Variants in NCALD observed in about 807,000 individuals in gnomAD.
NCALD encodes the protein neurocalcin-delta.
NCALD carries 10 observed loss-of-function variants against 18.6 expected under a neutral mutation model. The observed-to-expected ratio is 0.54, with a 90% CI of 0.33 to 0.91. The LOEUF (loss-of-function observed/expected upper bound fraction) is 0.91, where lower values mean the gene tolerates loss of function less well. Ranked by LOEUF, NCALD falls within the 40% of genes least tolerant of loss-of-function variation. NCALD has a pLI of 0.03. For synonymous variants in NCALD, 88 were observed against 87.4 expected (o/e 1.01, Z -0.04); for missense variants, 184 against 247.6 (o/e 0.74, Z 1.72).
At chr8:102,103,494 T>G (rs1208170537) in intron 1 of NCALD, among the ~76,000 whole-genome samples, 2 of 152,188 alleles carry the variant, frequency 1.3e-5, no homozygotes, top group African/African-American at 4.8e-5. Context: ...ACCACCAGGA[T>G]TCAAACCCAG....
chr8:101,906,764 G>A (rs1293910569), intron 3 of NCALD, among the ~76,000 whole-genome samples: 2 of 152,158 alleles, frequency 1.3e-5, no homozygotes, highest in Non-Finnish European at 1.5e-5. Flanking sequence ...TTTGAAGGCC[G>A]CTTTGGGACT....
chr8:101,897,740 A>G (rs1817256914), intron 3 of NCALD, among the ~76,000 whole-genome samples: 1 of 152,194 alleles, frequency 6.6e-6, no homozygotes, highest in South Asian at 2.1e-4. Flanking sequence ...AGAAACCACT[A>G]AACTATTTTC....
At chr8:101,796,079 A>T (rs936567311) in intron 4 of NCALD, among the ~76,000 whole-genome samples, 2 of 152,202 alleles carry the variant, frequency 1.3e-5, no homozygotes, top group African/African-American at 4.8e-5. Context: ...CTAAGTTTTC[A>T]TATCTCAAAA....
At chr8:101,869,573 G>T (rs900594842) in intron 4 of NCALD, among the ~76,000 whole-genome samples, 1 of 152,174 alleles carries the variant, frequency 6.6e-6, no homozygotes, top group Non-Finnish European at 1.5e-5. Flanking sequence ...CAGCTTGATT[G>T]CATGGGAGTC....
intron 4 of NCALD, among the ~76,000 whole-genome samples, chr8:101,797,018 G>C (rs1431829353): frequency 6.6e-6 from 1 of 152,160 alleles, no homozygotes; most frequent in South Asian, 2.1e-4. Flanking sequence ...TCCCTACTTT[G>C]AGTTATCCCC....
chr8:101,940,562 C>T lies in NCALD; in HGVS notation c.-156-24704G>A, dbSNP rs565829775. On this transcript the variant is annotated intron_variant, in intron 2 of 6. Transcript: ENST00000311028. ...ATCTGTCTAATCTTCAGTGTGATGG[C>T]TTTTTTTCTCCCACTGAGCCTATAC... Among the ~76,000 whole-genome samples, 17 of 152,248 alleles carry T rather than the reference C, an allele frequency of 1.1e-4. 1 individual carries two copies. The East Asian group carries it at 2.9e-3, about 26-fold the overall frequency.
chr8:101,918,605 A>C lies in NCALD; in HGVS notation c.-156-2747T>G, dbSNP rs1415934445. Among the ~76,000 whole-genome samples the C allele has an allele frequency of 2.6e-5, 4 of 152,186 alleles. No individual in the cohort carries two copies. The East Asian group carries it at 5.8e-4, about 22-fold the overall frequency. The stretch of plus-strand genomic sequence containing the variant: ...AGAAAACCCTAAAGACTCTGTCCAA[A>C]GGCTCCTGCAACTGATAAACTTCTT... On this transcript the variant is annotated intron_variant, in intron 2 of 6. Coordinates refer to the NCALD transcript ENST00000311028.
At chr8:101,763,105 C>A (rs939784896) in intron 1 of NCALD, among the ~76,000 whole-genome samples, 4 of 152,100 alleles carry the variant, frequency 2.6e-5, no homozygotes. Context: ...ACATATCAGG[C>A]ACTGTGCTAG....
At chr8:101,997,283 G>A (rs762247608) in intron 2 of NCALD, among the ~76,000 whole-genome samples, 13 of 152,156 alleles carry the variant, frequency 8.5e-5, no homozygotes, top group Non-Finnish European at 1.6e-4. Flanking sequence ...AAGCCAGGCC[G>A]GACATTGTTC....
At chr8:101,851,433 C>CAGCTCTCTTGCCTACCCT (rs974169544) in intron 4 of NCALD, among the ~76,000 whole-genome samples, 7 of 151,990 alleles carry the variant, frequency 4.6e-5, no homozygotes, top group Non-Finnish European at 5.9e-5. Flanking sequence ...TTGTCACCCA[C>CAGCTCTCTTGCCTACCCT]AGCTCTCTTG....
intron 4 of NCALD, among the ~76,000 whole-genome samples, chr8:101,820,431 T>C (rs2131186949): frequency 6.6e-6 from 1 of 152,246 alleles, no homozygotes; most frequent in East Asian, 1.9e-4. Context: ...AACGAGTAGA[T>C]GAATCGATTA....
intron 2 of NCALD, among the ~76,000 whole-genome samples, chr8:101,953,031 G>A (rs1177512391): frequency 1.3e-5 from 2 of 151,834 alleles, no homozygotes; most frequent in Non-Finnish European, 2.9e-5. Context: ...GCACATCCTA[G>A]ATCTCTGCTA....
At chr8:101,854,427 G>A (rs962131723) in intron 4 of NCALD, among the ~76,000 whole-genome samples, 11 of 152,080 alleles carry the variant, frequency 7.2e-5, no homozygotes, top group Admixed American at 6.5e-4. Context: ...AAGTGCATGG[G>A]TCAGAAAGCT....
intron 3 of NCALD, among the ~76,000 whole-genome samples, chr8:101,904,084 G>T (rs1817529338): frequency 6.6e-6 from 1 of 152,188 alleles, no homozygotes; most frequent in South Asian, 2.1e-4. Flanking sequence ...AGGACAGTAA[G>T]CCTGTTCAGT....
In NCALD at chr8:102,043,259, A is replaced by G. The variant is rs193119949; in HGVS notation, c.-209-22970T>C. ...TTCCATTTGAGGATGATAATTTGCT[A>G]AAGTTTAAGCTTTGGAAACTCTTCT... is the stretch of plus-strand genomic sequence containing the variant. On this transcript the variant is annotated intron_variant, in intron 1 of 6. Coordinates refer to the NCALD transcript ENST00000311028. 7.2e-5 allele frequency among the ~76,000 whole-genome samples: 11 copies of G among 152,148 alleles called. No individual in the cohort carries two copies. The East Asian group carries it at 2.1e-3, about 29-fold the overall frequency.
At chr8:101,727,301 G>A (rs901230489) in intron 1 of NCALD, among the ~76,000 whole-genome samples, 5 of 152,056 alleles carry the variant, frequency 3.3e-5, no homozygotes, top group Admixed American at 6.5e-5. Flanking sequence ...ACTTCTTGCC[G>A]TTTCCATTGT....
chr8:101,851,102 TC>T (rs1815075071), intron 4 of NCALD, among the ~76,000 whole-genome samples: 1 of 152,222 alleles, frequency 6.6e-6, no homozygotes, highest in Non-Finnish European at 1.5e-5. Flanking sequence ...ATAAAGCATT[TC>T]CTAAATTTAT....
rs185420241 is a variant in NCALD, at chr8:101,698,581, G to A, written c.379-5685C>T. The stretch of plus-strand genomic sequence containing the variant: ...AGAGCATGGTACTGGTACCAAAACA[G>A]ACATATAGACAAATGGAAGAGAACA... On this transcript the variant is annotated intron_variant, in intron 2 of 3. Coordinates refer to ENST00000220931, the MANE Select transcript of NCALD (RefSeq NM_032041.3). Among the ~76,000 whole-genome samples, 440 of 152,252 alleles carry A rather than the reference G, an allele frequency of 2.9e-3. 3 individuals are homozygous for A. Among genetic ancestry groups the A allele is most frequent in the African/African-American group, 0.01 (423 of 41,530 alleles).
intron 1 of NCALD, among the ~76,000 whole-genome samples, chr8:102,088,365 T>C (rs909272508): frequency 7.2e-5 from 11 of 152,222 alleles, no homozygotes; most frequent in Non-Finnish European, 1.2e-4. Context: ...AGGTTACTTT[T>C]AGTAAAGTTT....
Sources: allele counts gnomAD v4.1 joint callset (sites outside exome capture counted in the v4.1 genomes callset), GRCh38; gene constraint gnomAD v4.1.1; transcripts MANE v1.5; gene names NCBI Gene and HGNC (gene_info 2026-07-23, HGNC 2026-07-21).